Variants in DLG5 observed in about 807,000 individuals in gnomAD.
DLG5 encodes disks large homolog 5.
A neutral mutation model predicts 189.8 loss-of-function variants in DLG5; 48 were observed. The ratio of observed to expected loss-of-function variants is 0.25; its 90% CI spans 0.20 to 0.32. The LOEUF (loss-of-function observed/expected upper bound fraction) is 0.32. Among genes scored for constraint, DLG5 ranks in the 10% least tolerant of loss-of-function variants. DLG5 has a pLI of 1.00. For missense variants in DLG5, 2,160 were observed against 2,544.7 expected (o/e 0.85, Z 3.25); for synonymous variants, 1,016 against 1,054.1 (o/e 0.96, Z 0.70).
intron 1 of DLG5, among the ~76,000 whole-genome samples, chr10:77,889,063 T>C (rs1845529470): frequency 7.4e-6 from 1 of 134,406 alleles, no homozygotes; most frequent in African/African-American, 2.9e-5. Flanking sequence ...ACAGGTAACC[T>C]CCCAGGCCTC....
intron 1 of DLG5, among the ~76,000 whole-genome samples, chr10:77,877,710 T>C (rs1344017430): frequency 6.6e-6 from 1 of 151,902 alleles, no homozygotes; most frequent in African/African-American, 2.4e-5. Flanking sequence ...GTTCTGCACC[T>C]AAAAGGCACA....
In DLG5 at chr10:77,796,762, T is replaced by C. The variant is rs1352336486; in HGVS notation, c.5165-168A>G. Reference sequence around the variant, plus strand: ...AGGCACAACCGGGCATCGTCACCCCTGGAGTCCAGCATGAGCACCCCCCAT... The same window carrying C: ...AGGCACAACCGGGCATCGTCACCCCCGGAGTCCAGCATGAGCACCCCCCAT... On this transcript the variant is annotated intron_variant, in intron 27 of 31. Coordinates refer to ENST00000372391, the MANE Select transcript of DLG5 (RefSeq NM_004747.4). The surrounding 1 kb of genome is among the most constrained non-coding windows in gnomAD (Gnocchi z 5.2). Among the ~76,000 whole-genome samples, 1 of 152,160 alleles carries C rather than the reference T, an allele frequency of 6.6e-6. No individual in the cohort carries two copies. The highest frequency in any genetic ancestry group is 2.4e-5 in the African/African-American group (1 of 41,442).
Position 77,869,183 on chromosome 10 carries a change from C to A in DLG5, c.319G>T (p.Val107Phe). 6.2e-7 allele frequency: 1 copy of A among 1,613,658 alleles called. No homozygotes were observed. Among genetic ancestry groups the A allele is most frequent in the Non-Finnish European group, 8.5e-7 (1 of 1,179,864 alleles). The change falls in exon 2 of 32, where the codon GTC (valine) becomes TTC (phenylalanine). Residue 107 changes from valine (V) to phenylalanine (F), a missense_variant. Physicochemically the swap from Val to Phe is conservative, Grantham distance 50. Around this residue, in one of 5 missense-constraint regions of DLG5, gnomAD observed 664 missense variants for 838.5 expected, o/e 0.79. Transcript: ENST00000372391. ...GAGTCTGAGGGCATGGTGGACAGGA[C>A]GCTGTAGGTAGAACCTGGGGAAAGA... Reference protein sequence around the residue: ...PAEGAGSTYSVLSTMPSDSES... With the variant: ...PAEGAGSTYSFLSTMPSDSES...
At chr10:77,912,607 A>T (rs1846256587) in intron 1 of DLG5, 1 of 151,860 alleles carries the variant, frequency 6.6e-6, no homozygotes, top group Non-Finnish European at 1.5e-5. Flanking sequence ...TTCTGATGGG[A>T]TTTTCACTCT....
chr10:77,918,233 A>G (rs1319635857), intron 1 of DLG5, among the ~76,000 whole-genome samples: 1 of 152,052 alleles, frequency 6.6e-6, no homozygotes, highest in Non-Finnish European at 1.5e-5. Flanking sequence ...CAACATGGGG[A>G]AACCTTGTCT....
intron 12 of DLG5, 45 bp from the exon 13 acceptor site, chr10:77,829,030 C>T: frequency 1.3e-6 from 2 of 1,590,606 alleles, no homozygotes; most frequent in Non-Finnish European, 1.7e-6. Flanking sequence ...GCCTCGCTGC[C>T]CAGCCCTGGG....
At chr10:77,809,133 A>C (rs1480210789) in intron 24 of DLG5, among the ~76,000 whole-genome samples, 1 of 149,404 alleles carries the variant, frequency 6.7e-6, no homozygotes. Context: ...GAGGCTGGAC[A>C]CGGTAGCTCA....
rs544169223 is a variant in DLG5, at chr10:77,833,446, C to T, written c.1748+468G>A. Among the ~76,000 whole-genome samples the T allele has an allele frequency of 2.6e-5, 4 of 152,316 alleles. No homozygotes were observed. The East Asian group carries it at 7.7e-4, about 29-fold the overall frequency. On this transcript the variant is annotated intron_variant, in intron 9 of 31. Coordinates refer to ENST00000372391, the MANE Select transcript of DLG5 (RefSeq NM_004747.4). ...TGTGTCTCTTCCTGCGCACTGTGAG[C>T]CCATGAGGAAAGGGACTTGGTATGC...
intron 17 of DLG5, 40 bp from the exon 18 acceptor site, chr10:77,817,929 C>A: frequency 6.6e-7 from 1 of 1,511,532 alleles, no homozygotes; most frequent in Admixed American, 2.0e-5. Context: ...GGAGGAGAAC[C>A]AGGAACAGAT....
chr10:77,853,819 A>G (rs960732973), intron 4 of DLG5, among the ~76,000 whole-genome samples: 1 of 152,102 alleles, frequency 6.6e-6, no homozygotes, highest in Non-Finnish European at 1.5e-5. Context: ...GCCTCCAAAT[A>G]CTGGGGCCTG....
intron 7 of DLG5, among the ~76,000 whole-genome samples, chr10:77,838,423 C>T (rs772170642): frequency 2.0e-5 from 3 of 152,066 alleles, no homozygotes; most frequent in Non-Finnish European, 4.4e-5. Flanking sequence ...AGGAGGGCGG[C>T]CTTAGGGGAG....
At chr10:77,911,255 G>A (rs1477158901) in intron 1 of DLG5, among the ~76,000 whole-genome samples, 1 of 152,040 alleles carries the variant, frequency 6.6e-6, no homozygotes, top group Non-Finnish European at 1.5e-5. Context: ...AGTCTCCCAA[G>A]CAACTGGGAC....
In DLG5 at chr10:77,806,890, A is replaced by C; in HGVS notation, c.4835T>G (p.Leu1612Trp). The change falls in exon 26 of 32, where the codon TTG becomes TGG. Residue 1612 changes from leucine to tryptophan, a missense_variant. Leu to Trp is a moderately conservative substitution (Grantham distance 61, BLOSUM62 -2). Coordinates refer to ENST00000372391, the MANE Select transcript of DLG5 (RefSeq NM_004747.4). Reference sequence around the variant, plus strand: ...GAGGATGTCGTCCTTCTTAAAGCTCAACTCTTGCTCCACATCTGCCAGCCG... The same window carrying C: ...GAGGATGTCGTCCTTCTTAAAGCTCCACTCTTGCTCCACATCTGCCAGCCG... ...YDRLADVEQELSFKKDDILYV... is the reference protein window; with the variant it reads ...YDRLADVEQEWSFKKDDILYV... 1 of 1,613,944 alleles carries C rather than the reference A, an allele frequency of 6.2e-7. No individual in the cohort carries two copies. The highest frequency in any genetic ancestry group is 8.5e-7 in the Non-Finnish European group (1 of 1,179,838).
intron 1 of DLG5, among the ~76,000 whole-genome samples, chr10:77,923,545 G>A (rs544033148): frequency 6.6e-6 from 1 of 152,334 alleles, no homozygotes; most frequent in South Asian, 2.1e-4. Context: ...GATCGCTTGA[G>A]CTCAGGAGTT....
At chr10:77,804,744 C>T (rs79047524) in intron 27 of DLG5, among the ~76,000 whole-genome samples, 5,722 of 152,274 alleles carry the variant, frequency 0.038, 364 homozygotes, top group African/African-American at 0.13. Flanking sequence ...AAGGATTATA[C>T]AAGACTTGTT....
intron 1 of DLG5, among the ~76,000 whole-genome samples, chr10:77,908,825 C>T (rs1328539358): frequency 6.6e-6 from 1 of 152,028 alleles, no homozygotes; most frequent in Non-Finnish European, 1.5e-5. Flanking sequence ...CTTTGTTGCC[C>T]TTCTGAGAAT....
At chr10:77,860,596 C>T (rs975052831) in intron 2 of DLG5, among the ~76,000 whole-genome samples, 9 of 152,174 alleles carry the variant, frequency 5.9e-5, no homozygotes, top group African/African-American at 1.4e-4. Context: ...GCACTGCACC[C>T]GGCCATGCCT....
At chr10:77,921,408 C>G (rs994225816) in intron 1 of DLG5, among the ~76,000 whole-genome samples, 7 of 152,176 alleles carry the variant, frequency 4.6e-5, no homozygotes, top group African/African-American at 1.4e-4. Flanking sequence ...TGCATTAGTC[C>G]CACTAGAAAA....
chr10:77,820,347 G>A (rs61854603), intron 15 of DLG5: 1 of 87,426 alleles, frequency 1.1e-5, no homozygotes, highest in Non-Finnish European at 2.2e-5. Context: ...CTCCATCTTA[G>A]GGGAAAAAAA....
Sources: gnomAD v4.1 joint callset for allele counts (sites outside exome capture counted in the v4.1 genomes callset) on GRCh38, gnomAD v4.1.1 for gene constraint, gnomAD v4.1.1 regional missense constraint, Gnocchi (gnomAD v3.1) non-coding constraint, MANE v1.5 for transcripts, NCBI Gene and HGNC (gene_info 2026-07-23, HGNC 2026-07-21) for gene names.